Variants in WDR49 observed in about 807,000 individuals in gnomAD.
WDR49 encodes cilia- and flagella-associated protein 337.
In WDR49, 107 loss-of-function variants were observed where a neutral mutation model predicts 119.5. The ratio of observed to expected loss-of-function variants is 0.90; its 90% CI spans 0.77 to 1.05. The LOEUF (loss-of-function observed/expected upper bound fraction) is 1.05, where lower values mean the gene tolerates loss of function less well. WDR49 is among the 50% of genes least tolerant of loss of function. WDR49 has a pLI of 0.00. For synonymous variants in WDR49, 425 were observed against 418.8 expected, an observed-to-expected ratio of 1.01 and a Z score of -0.18; for missense variants, 1,240 against 1,220.5, an observed-to-expected ratio of 1.02 and a Z score of -0.24.
chr3:167,504,959 A>G (rs1751709385), intron 17 of WDR49, among the ~76,000 whole-genome samples: 1 of 152,192 alleles, frequency 6.6e-6, no homozygotes, highest in South Asian at 2.1e-4. Flanking sequence ...CACCAAGCAG[A>G]TACCAACATT....
At chr3:167,652,310 T>C (rs748680997) in intron 2 of WDR49, among the ~76,000 whole-genome samples, 3 of 152,192 alleles carry the variant, frequency 2.0e-5, no homozygotes, top group East Asian at 1.9e-4. Flanking sequence ...AAGATAAAAA[T>C]GTGTGCCTAT....
chr3:167,558,302 CCGTT>C, intron 9 of WDR49, among the ~76,000 whole-genome samples: 1 of 152,124 alleles, frequency 6.6e-6, no homozygotes, highest in East Asian at 1.9e-4. Context: ...TAAAAATAGA[CCGTT>C]CAAAGCCATA....
At chr3:167,632,321 A>G (rs1307352644) in intron 2 of WDR49, among the ~76,000 whole-genome samples, 1 of 152,032 alleles carries the variant, frequency 6.6e-6, no homozygotes, top group Non-Finnish European at 1.5e-5. Context: ...TAAATGACAA[A>G]TTTTCTTTTC....
In WDR49 at chr3:167,529,387, A is replaced by G. The variant is rs1752762695; in HGVS notation, c.2219-148T>C. 9.2e-6 allele frequency: 6 copies of G among 655,138 alleles called. No homozygotes were observed. In the South Asian group the frequency reaches 1.7e-4, roughly 18 times the overall value. The allele number at this position is 655,138 out of a possible 1,614,324, so 40.6% of individuals were successfully genotyped here. ...TCCCAGCACCACTTTAATTTTCTCA[A>G]ATATAAAATGGAGGTGACGCTATGA... On this transcript the variant is annotated intron_variant, in intron 13 of 18. Transcript: ENST00000682715.
intron 3 of WDR49, 40 bp from the exon 4 acceptor site, chr3:167,621,683 G>A (rs991657616): frequency 4.1e-6 from 6 of 1,479,934 alleles, no homozygotes; most frequent in African/African-American, 1.4e-5. Flanking sequence ...TAATTCTGAT[G>A]GATTTAGCAA....
At chr3:167,600,079 G>A (rs1279258626) in intron 7 of WDR49, among the ~76,000 whole-genome samples, 2 of 152,056 alleles carry the variant, frequency 1.3e-5, no homozygotes, top group African/African-American at 4.8e-5. Context: ...TCTGACCAGG[G>A]ACCTATCTTA....
chr3:167,560,271 G>T, intron 8 of WDR49, 43 bp from the exon 9 acceptor site: 1 of 1,560,804 alleles, frequency 6.4e-7, no homozygotes. Context: ...TATAGTCTCA[G>T]AATCAACCAT....
At chr3:167,524,800 T>G (rs1752576402) in intron 15 of WDR49, among the ~76,000 whole-genome samples, 1 of 152,188 alleles carries the variant, frequency 6.6e-6, no homozygotes, top group Non-Finnish European at 1.5e-5. Flanking sequence ...GCTGTTTTGG[T>G]TACTGTAGCC....
At chr3:167,648,347 A>G (rs1718223067) in intron 2 of WDR49, among the ~76,000 whole-genome samples, 1 of 152,236 alleles carries the variant, frequency 6.6e-6, no homozygotes, top group Non-Finnish European at 1.5e-5. Flanking sequence ...CAGAAGATAC[A>G]TAGGCAATAG....
chr3:167,621,184 G>C (rs1389545846), intron 4 of WDR49, among the ~76,000 whole-genome samples: 1 of 151,996 alleles, frequency 6.6e-6, no homozygotes, highest in African/African-American at 2.4e-5. Flanking sequence ...AATAAATTAA[G>C]CATCCTATGG....
chr3:167,527,199 G>C (rs1300066201), intron 15 of WDR49, among the ~76,000 whole-genome samples: 2 of 152,074 alleles, frequency 1.3e-5, no homozygotes, highest in Non-Finnish European at 2.9e-5. Flanking sequence ...GTGAGCTCAG[G>C]TGATTTATTC....
intron 5 of WDR49, among the ~76,000 whole-genome samples, chr3:167,614,861 T>C (rs1716520363): frequency 6.6e-6 from 1 of 152,244 alleles, no homozygotes; most frequent in African/African-American, 2.4e-5. Context: ...TCTAAGAATA[T>C]TGAATCACGT....
chr3:167,589,243 C>T (rs1477277037), intron 7 of WDR49, among the ~76,000 whole-genome samples: 1 of 152,086 alleles, frequency 6.6e-6, no homozygotes, highest in Non-Finnish European at 1.5e-5. Context: ...AATGAATTCA[C>T]TGTAGATGTA....
intron 18 of WDR49, among the ~76,000 whole-genome samples, chr3:167,481,066 CA>C (rs34399475): frequency 0.016 from 2,202 of 135,590 alleles, 28 homozygotes; most frequent in Middle Eastern, 0.04. Flanking sequence ...ATATTTCAAG[CA>C]AAAAAAAAAA....
chr3:167,517,678 T>A (rs189155262), intron 16 of WDR49, among the ~76,000 whole-genome samples: 41 of 151,034 alleles, frequency 2.7e-4, no homozygotes, highest in Non-Finnish European at 4.7e-4. Flanking sequence ...AATGAGATAT[T>A]TTTTTTTTCC....
intron 9 of WDR49, among the ~76,000 whole-genome samples, chr3:167,556,327 G>C (rs1467768450): frequency 6.6e-6 from 1 of 152,166 alleles, no homozygotes; most frequent in Non-Finnish European, 1.5e-5. Flanking sequence ...GGATTAAACA[G>C]CTGATACAGA....
At chr3:167,640,542 T>C (rs1717831403) in intron 2 of WDR49, among the ~76,000 whole-genome samples, 2 of 151,878 alleles carry the variant, frequency 1.3e-5, no homozygotes, top group Non-Finnish European at 2.9e-5. Context: ...AACATTTCAA[T>C]ACATTTTTTT....
At position 167,488,655 on chromosome 3, in the gene WDR49, T is replaced by G. The variant is rs560748957; in HGVS notation, c.3032-9659A>C. On this transcript the variant is annotated intron_variant, in intron 18 of 18. Transcript: ENST00000682715. Reference sequence around the variant, plus strand: ...TGCCTCCCTGGCCACATAACTTATTTAGAATCCTGGACAGTAGTTTGCTCA... The same window carrying G: ...TGCCTCCCTGGCCACATAACTTATTGAGAATCCTGGACAGTAGTTTGCTCA... 2.0e-5 allele frequency among the ~76,000 whole-genome samples: 3 copies of G among 152,240 alleles called. No homozygotes were observed. In the East Asian group the frequency reaches 5.8e-4, roughly 29 times the overall value.
At position 167,533,036 on chromosome 3, in the gene WDR49, C is replaced by T. The variant is rs1752904657; in HGVS notation, c.1955-59G>A. ...AGGAGATTAAGATAGAAAATATGAGCAACAGCAATCAGAAGAAGTTATTAG... is the reference window on the plus strand; with the variant it reads ...AGGAGATTAAGATAGAAAATATGAGTAACAGCAATCAGAAGAAGTTATTAG... On this transcript the variant is annotated intron_variant, in intron 11 of 18. Coordinates refer to ENST00000682715, the MANE Select transcript of WDR49 (RefSeq NM_001366157.1). 5.6e-6 allele frequency: 7 copies of T among 1,242,010 alleles called. No homozygotes were observed. The East Asian group carries it at 1.7e-4, about 30-fold the overall frequency. The allele number at this position is 1,242,010 out of a possible 1,614,324, so 76.9% of individuals were successfully genotyped here.
Sources: allele counts gnomAD v4.1 joint callset (sites outside exome capture counted in the v4.1 genomes callset), GRCh38; gene constraint gnomAD v4.1.1; transcripts MANE v1.5; gene names NCBI Gene and HGNC (gene_info 2026-07-23, HGNC 2026-07-21).